Variants in MAPK10 observed in about 807,000 individuals in gnomAD.
MAPK10 encodes mitogen-activated protein kinase 10.
In MAPK10, 25 loss-of-function variants were observed where a neutral mutation model predicts 59.3. That is an observed-to-expected ratio of 0.42 (90% CI 0.31 to 0.59). The LOEUF (loss-of-function observed/expected upper bound fraction) is 0.59. Ranked by LOEUF, MAPK10 falls within the 20% of genes least tolerant of loss-of-function variation. MAPK10 has a pLI of 0.15. For missense variants in MAPK10, 351 were observed against 568.9 expected, an observed-to-expected ratio of 0.62 and a Z score of 3.90; for synonymous variants, 190 against 200.5, an observed-to-expected ratio of 0.95 and a Z score of 0.44.
At chr4:86,564,883 A>G (rs927708097) in intron 1 of MAPK10, among the ~76,000 whole-genome samples, 1 of 152,158 alleles carries the variant, frequency 6.6e-6, no homozygotes. Flanking sequence ...AACAATCTGC[A>G]TTTATTCAAG....
chr4:86,579,516 T>TACAC (rs35878270), intron 1 of MAPK10, among the ~76,000 whole-genome samples: 19,144 of 146,144 alleles, frequency 0.13, 1,259 homozygotes, highest in Middle Eastern at 0.19. Context: ...GATATGTGTA[T>TACAC]ACACACACAC....
At chr4:86,052,357 T>C (rs1046885143) in intron 11 of MAPK10, among the ~76,000 whole-genome samples, 1 of 152,156 alleles carries the variant, frequency 6.6e-6, no homozygotes, top group Non-Finnish European at 1.5e-5. Flanking sequence ...CTGAAAACTT[T>C]CTTTACTAGA....
intron 9 of MAPK10, chr4:86,080,504 C>T (rs546284510): frequency 5.1e-4 from 78 of 151,802 alleles, no homozygotes; most frequent in Non-Finnish European, 9.6e-4. Flanking sequence ...GGTAAGGGAA[C>T]CTCAATTAAA....
chr4:86,122,300 G>A (rs577567890), intron 4 of MAPK10, among the ~76,000 whole-genome samples: 5 of 152,206 alleles, frequency 3.3e-5, no homozygotes, highest in Admixed American at 1.3e-4. Flanking sequence ...ATAATAAGCA[G>A]ATAGTATTAT....
At chr4:86,552,190 C>T (rs529177132) in intron 1 of MAPK10, among the ~76,000 whole-genome samples, 199 of 151,686 alleles carry the variant, frequency 1.3e-3, no homozygotes, top group African/African-American at 4.7e-3. Flanking sequence ...GAGGCCGAGG[C>T]GGGAGGATCT....
intron 2 of MAPK10, among the ~76,000 whole-genome samples, chr4:86,318,517 T>C (rs915645537): frequency 2.6e-5 from 4 of 152,140 alleles, no homozygotes; most frequent in Non-Finnish European, 5.9e-5. Flanking sequence ...CAGTAATCCA[T>C]GGGAAGACCT....
intron 1 of MAPK10, among the ~76,000 whole-genome samples, chr4:86,559,622 T>C (rs993169104): frequency 6.6e-6 from 1 of 152,182 alleles, no homozygotes. Context: ...TACTTAAATA[T>C]TTTGTTTTAG....
At position 86,016,963 on chromosome 4, in the gene MAPK10, A is replaced by C. The variant is rs757340559; in HGVS notation, c.*265T>G. On this transcript the variant is annotated 3_prime_UTR_variant, in exon 14 of 14. Coordinates refer to ENST00000641462, the MANE Select transcript of MAPK10 (RefSeq NM_138982.4). ...GAAAAGGCTTCTCTAATTGTGTCTGATTTGCTTTCTGTAGTAAGCATCATT... is the reference window on the plus strand; with the variant it reads ...GAAAAGGCTTCTCTAATTGTGTCTGCTTTGCTTTCTGTAGTAAGCATCATT... The C allele has an allele frequency of 1.5e-4, 51 of 332,350 alleles. No individual in the cohort carries two copies. The highest frequency in any genetic ancestry group is 2.4e-4 in the Non-Finnish European group (43 of 179,164). The allele number at this position is 332,350 out of a possible 1,614,324, so 20.6% of individuals were successfully genotyped here. A position where few individuals can be genotyped will look rare whatever the true frequency, so the allele number is the denominator to read the frequency against.
chr4:86,586,359 G>C (rs1050395136), intron 1 of MAPK10, among the ~76,000 whole-genome samples: 1 of 152,040 alleles, frequency 6.6e-6, no homozygotes, highest in Non-Finnish European at 1.5e-5. Flanking sequence ...TCAGCCCCGA[G>C]GGCCACCCTC....
chr4:86,485,396 AC>A (rs1213058921), intron 1 of MAPK10, among the ~76,000 whole-genome samples: 2 of 152,188 alleles, frequency 1.3e-5, no homozygotes, highest in Admixed American at 6.5e-5. Flanking sequence ...AGCCCTAGGA[AC>A]ATATCCTTTT....
At chr4:86,165,516 AT>A (rs1242279679) in intron 3 of MAPK10, among the ~76,000 whole-genome samples, 1 of 124,506 alleles carries the variant, frequency 8.0e-6, no homozygotes, top group Non-Finnish European at 1.6e-5. Flanking sequence ...AGCTGATACT[AT>A]AGGCACATGC....
intron 1 of MAPK10, among the ~76,000 whole-genome samples, chr4:86,366,235 A>T (rs1737873799): frequency 1.3e-5 from 2 of 152,142 alleles, no homozygotes; most frequent in South Asian, 2.1e-4. Flanking sequence ...TTTGTCTGTG[A>T]TAGGAGGAGG....
rs1364976595 is a variant in MAPK10, at chr4:86,017,474, T to C, written c.1253-104A>G. 11 of 1,262,588 alleles carry C rather than the reference T, an allele frequency of 8.7e-6. No individual in the cohort carries two copies. The highest frequency in any genetic ancestry group is 3.9e-4 in the Middle Eastern group (2 of 5,152). The allele number at this position is 1,262,588 out of a possible 1,614,324, so 78.2% of individuals were successfully genotyped here. On this transcript the variant is annotated intron_variant, in intron 13 of 13. Coordinates refer to ENST00000641462, the MANE Select transcript of MAPK10 (RefSeq NM_138982.4). The surrounding 1 kb of genome is among the most constrained non-coding windows in gnomAD (Gnocchi z 4.4). ...GGCAAATACAATAGGGGATGTCCAG[T>C]CCATCAATCATTTGGCAAGCCTTTA...
intron 4 of MAPK10, among the ~76,000 whole-genome samples, chr4:86,116,356 C>T (rs1205205829): frequency 1.3e-5 from 2 of 152,186 alleles, no homozygotes; most frequent in African/African-American, 2.4e-5. Context: ...CAACATTATA[C>T]TAATCAAGAC....
chr4:86,340,694 G>C (rs1724381652), intron 2 of MAPK10, among the ~76,000 whole-genome samples: 1 of 152,096 alleles, frequency 6.6e-6, no homozygotes, highest in African/African-American at 2.4e-5. Context: ...AAACAAAGCA[G>C]AGGTGCTAAA....
At chr4:86,167,048 C>A (rs1581703992) in intron 3 of MAPK10, among the ~76,000 whole-genome samples, 1 of 152,146 alleles carries the variant, frequency 6.6e-6, no homozygotes, top group African/African-American at 2.4e-5. Flanking sequence ...GATATCACCA[C>A]TGATCCCACA....
intron 1 of MAPK10, among the ~76,000 whole-genome samples, chr4:86,569,610 T>TATATATAATTTTATA (rs1424862272): frequency 6.6e-6 from 1 of 152,134 alleles, no homozygotes; most frequent in Non-Finnish European, 1.5e-5. Flanking sequence ...CCATGAAATA[T>TATATATAATTTTATA]GCTCAGCTAT....
chr4:86,196,244 T>C (rs552324069), intron 2 of MAPK10, among the ~76,000 whole-genome samples: 1 of 152,352 alleles, frequency 6.6e-6, no homozygotes, highest in Admixed American at 6.5e-5. Context: ...TTCCTGACTT[T>C]TTAATGATGG....
intron 2 of MAPK10, among the ~76,000 whole-genome samples, chr4:86,288,373 T>G (rs1482065314): frequency 7.7e-6 from 1 of 129,742 alleles, no homozygotes; most frequent in Admixed American, 9.7e-5. Context: ...TGTTGAACTC[T>G]ATGAAATCTA....
Sources: allele counts gnomAD v4.1 joint callset (sites outside exome capture counted in the v4.1 genomes callset), GRCh38; gene constraint gnomAD v4.1.1; non-coding constraint Gnocchi (gnomAD v3.1); transcripts MANE v1.5; gene names NCBI Gene and HGNC (gene_info 2026-07-23, HGNC 2026-07-21).